The following RIN2 variants were observed in gnomAD, a reference collection of about 807,000 sequenced individuals.
The protein encoded by RIN2 is Ras and Rab interactor 2.
A neutral mutation model predicts 78.0 loss-of-function variants in RIN2; 36 were observed. The observed-to-expected ratio is 0.46, with a 90% CI of 0.35 to 0.61. The LOEUF is 0.61. Ranked by LOEUF, RIN2 falls within the 20% of genes least tolerant of loss-of-function variation. RIN2 has a pLI of 0.00. For missense variants in RIN2, 1,087 were observed against 1,159.7 expected (o/e 0.94, Z 0.91); for synonymous variants, 466 against 466.8 (o/e 1.00, Z 0.02).
At chr20:19,993,467 C>A (rs530491662) in intron 11 of RIN2, among the ~76,000 whole-genome samples, 65 of 152,156 alleles carry the variant, frequency 4.3e-4, no homozygotes, top group Non-Finnish European at 7.6e-4. Flanking sequence ...CTTTTCCTGT[C>A]GGAGGGACCG....
chr20:19,854,917 G>A (rs2037115957), intron 2 of RIN2, among the ~76,000 whole-genome samples: 1 of 152,188 alleles, frequency 6.6e-6, no homozygotes, highest in Admixed American at 6.5e-5. Context: ...CCAAGGCTAT[G>A]TTGAATAGGA....
At chr20:19,982,875 G>A (rs910183409) in intron 9 of RIN2, among the ~76,000 whole-genome samples, 13 of 152,174 alleles carry the variant, frequency 8.5e-5, no homozygotes, top group South Asian at 6.2e-4. Context: ...TCTCCAGGGG[G>A]AGCAACTGTA....
chr20:19,908,055 G>T (rs1265366756), intron 3 of RIN2, among the ~76,000 whole-genome samples: 1 of 152,162 alleles, frequency 6.6e-6, no homozygotes, highest in Admixed American at 6.5e-5. Context: ...CCTTCCTCAT[G>T]CCTGTAACAT....
At chr20:19,793,707 T>A (rs2034959872) in intron 1 of RIN2, among the ~76,000 whole-genome samples, 1 of 152,220 alleles carries the variant, frequency 6.6e-6, no homozygotes, top group Admixed American at 6.5e-5. Flanking sequence ...TTACTTTGAG[T>A]AACTCCAAAT....
At chr20:19,854,360 C>T (rs1281733728) in intron 2 of RIN2, among the ~76,000 whole-genome samples, 7 of 152,328 alleles carry the variant, frequency 4.6e-5, no homozygotes, top group Admixed American at 3.3e-4. Context: ...CTTGGCAATG[C>T]GGGCCCTTTT....
intron 11 of RIN2, 63 bp from the exon 12 acceptor site, chr20:19,996,616 C>T (rs2042975252): frequency 5.2e-6 from 8 of 1,534,488 alleles, no homozygotes; most frequent in African/African-American, 1.4e-5. Context: ...CGCTGGCATC[C>T]CCTGTTATCA....
At chr20:19,902,056 C>G (rs1179673487) in intron 3 of RIN2, among the ~76,000 whole-genome samples, 1 of 150,604 alleles carries the variant, frequency 6.6e-6, no homozygotes, top group Non-Finnish European at 1.5e-5. Flanking sequence ...AGCAAACACA[C>G]TGTTCCAGGC....
At chr20:19,893,004 T>C (rs983789461) in intron 3 of RIN2, among the ~76,000 whole-genome samples, 4 of 152,192 alleles carry the variant, frequency 2.6e-5, no homozygotes, top group African/African-American at 9.6e-5. Flanking sequence ...CCTAACCTCA[T>C]GGAGCTTTCA....
At chr20:19,925,262 G>A (rs1344742450) in intron 3 of RIN2, among the ~76,000 whole-genome samples, 11 of 152,086 alleles carry the variant, frequency 7.2e-5, no homozygotes, top group Non-Finnish European at 1.5e-4. Context: ...TTTGCACCAT[G>A]CACAAAACTA....
At chr20:19,829,079 G>A (rs2036177743) in intron 2 of RIN2, among the ~76,000 whole-genome samples, 1 of 152,152 alleles carries the variant, frequency 6.6e-6, no homozygotes, top group African/African-American at 2.4e-5. Context: ...AGCTACCTCT[G>A]GAAATAGTAG....
chr20:19,950,883 C>G (rs199551), intron 4 of RIN2, among the ~76,000 whole-genome samples: 1 of 125,278 alleles, frequency 8.0e-6, no homozygotes, highest in African/African-American at 2.9e-5. Flanking sequence ...GCCTGGCTAA[C>G]CTTTTTTTTT....
chr20:19,785,772 C>T (rs62200339), intron 1 of RIN2, among the ~76,000 whole-genome samples: 14,922 of 152,214 alleles, frequency 0.098, 756 homozygotes, highest in African/African-American at 0.13. Context: ...GCTTCATTCT[C>T]CTTGGTAATA....
At chr20:19,982,236 C>T (rs879567586) in intron 9 of RIN2, among the ~76,000 whole-genome samples, 21 of 152,184 alleles carry the variant, frequency 1.4e-4, no homozygotes, top group Non-Finnish European at 2.9e-4. Context: ...GCAACCACCC[C>T]GGGAAGCTGT....
intron 4 of RIN2, among the ~76,000 whole-genome samples, chr20:19,936,087 C>T (rs2040628452): frequency 1.3e-5 from 2 of 152,210 alleles, no homozygotes; most frequent in South Asian, 4.1e-4. Context: ...ACTAGTTCCG[C>T]CATACGCTGA....
intron 2 of RIN2, among the ~76,000 whole-genome samples, chr20:19,872,889 T>A (rs2037732483): frequency 6.6e-6 from 1 of 152,100 alleles, no homozygotes; most frequent in South Asian, 2.1e-4. Flanking sequence ...AAGCCCAAAC[T>A]TCACCACTAC....
intron 1 of RIN2, among the ~76,000 whole-genome samples, chr20:19,794,001 A>G (rs987482785): frequency 6.6e-6 from 1 of 152,236 alleles, no homozygotes; most frequent in African/African-American, 2.4e-5. Flanking sequence ...ACAAAAATCA[A>G]TCAAATTGGT....
At chr20:19,767,384 A>G (rs945880424) in intron 1 of RIN2, among the ~76,000 whole-genome samples, 2 of 152,144 alleles carry the variant, frequency 1.3e-5, no homozygotes, top group Non-Finnish European at 2.9e-5. Context: ...GCCAGTTTTT[A>G]CACAGAATGG....
At position 19,956,637 on chromosome 20, in the gene RIN2, G is replaced by A. The variant is rs1279323880; in HGVS notation, c.181G>A (p.Gly61Ser). 1.2e-6 allele frequency: 2 copies of A among 1,613,400 alleles called. No individual in the cohort carries two copies. The highest frequency in any genetic ancestry group is 3.3e-5 in the Admixed American group (2 of 59,928). Residue 61 changes from glycine (G) to serine (S), a missense_variant, in exon 5 of 13, where the codon GGC (glycine) becomes AGC (serine). By Grantham distance (56) the Gly-to-Ser change is moderately conservative. Transcript: ENST00000255006. ...TAGCATGGTAAGACACAAGGATGGT[G>A]GCTATTCCGAGGAAGAGGACGTGAA... is the stretch of plus-strand genomic sequence containing the variant. ...THSMVRHKDG[G>S]YSEEEDVKTC...
At chr20:19,796,169 A>T (rs1240302518) in intron 1 of RIN2, among the ~76,000 whole-genome samples, 3 of 152,216 alleles carry the variant, frequency 2.0e-5, no homozygotes, top group Non-Finnish European at 2.9e-5. Context: ...GAATGTATAT[A>T]GGAGTTTGAC....
Sources: allele counts gnomAD v4.1 joint callset (sites outside exome capture counted in the v4.1 genomes callset), GRCh38; gene constraint gnomAD v4.1.1; transcripts MANE v1.5; gene names NCBI Gene and HGNC (gene_info 2026-07-23, HGNC 2026-07-21).